The following KANK1 variants were observed in gnomAD, a reference collection of about 807,000 sequenced individuals.
KANK1 encodes the protein KN motif and ankyrin repeat domain-containing protein 1.
In KANK1, 109 loss-of-function variants were observed where a neutral mutation model predicts 106.2. That is an observed-to-expected ratio of 1.03 (90% confidence interval 0.88 to 1.20). The LOEUF is 1.20. Ranked by LOEUF, KANK1 falls within the 50% of genes most tolerant of loss-of-function variation. KANK1 has a pLI of 0.00. For missense variants in KANK1, 2,399 were observed against 1,710.7 expected (o/e 1.40, Z -7.10); for synonymous variants, 873 against 652.2 (o/e 1.34, Z -5.16).
chr9:661,231 C>T (rs1186125731), intron 1 of KANK1, among the ~76,000 whole-genome samples: 2 of 151,998 alleles, frequency 1.3e-5, no homozygotes, highest in African/African-American at 2.4e-5. Flanking sequence ...CCCATTAGCT[C>T]GTCATTTACA....
chr9:652,404 T>TCCCAG (rs1841100567), intron 1 of KANK1, among the ~76,000 whole-genome samples: 1 of 152,114 alleles, frequency 6.6e-6, no homozygotes, highest in African/African-American at 2.4e-5. Flanking sequence ...GCACCTGTAA[T>TCCCAG]CCCAGCTACT....
intron 1 of KANK1, among the ~76,000 whole-genome samples, chr9:513,765 AGATACTTTGGGAGG>A (rs1210501455): frequency 2.0e-5 from 3 of 152,158 alleles, no homozygotes; most frequent in African/African-American, 7.2e-5. Context: ...GAACAAAAGT[AGATACTTTGGGAGG>A]CCGAGGCAGG....
intron 3 of KANK1, among the ~76,000 whole-genome samples, chr9:475,072 G>T (rs2058080751): frequency 6.6e-6 from 1 of 152,162 alleles, no homozygotes; most frequent in Admixed American, 6.5e-5. Flanking sequence ...GGGAAAGGCA[G>T]TCTCCAAATA....
intron 1 of KANK1, among the ~76,000 whole-genome samples, chr9:514,403 C>T (rs1420238009): frequency 6.7e-6 from 1 of 150,008 alleles, no homozygotes; most frequent in Non-Finnish European, 1.5e-5. Context: ...GCCAAATACT[C>T]CCTCATCTCC....
rs1034159935 is a variant in KANK1 at position 605,716 on chromosome 9, G to C, written c.-83-71174G>C. Among the ~76,000 whole-genome samples, 18 of 151,898 alleles carry C rather than the reference G, an allele frequency of 1.2e-4. 1 individual carries two copies. Among genetic ancestry groups the C allele is most frequent in the Admixed American group, 9.8e-4 (15 of 15,296 alleles). On this transcript the variant is annotated intron_variant, in intron 1 of 11. Transcript: ENST00000382297. ...AAAGAGAATAAGCATGATCAGGCTG[G>C]GGATGTTGAGGAGGGGAAAGAAGGG...
intron 1 of KANK1, among the ~76,000 whole-genome samples, chr9:573,975 C>T (rs1819876949): frequency 6.6e-6 from 1 of 152,224 alleles, no homozygotes; most frequent in Non-Finnish European, 1.5e-5. Context: ...TTGGAGGAGC[C>T]AACCAGGAGA....
chr9:630,288 G>A (rs754386885), intron 1 of KANK1, among the ~76,000 whole-genome samples: 2 of 151,958 alleles, frequency 1.3e-5, no homozygotes, highest in Non-Finnish European at 2.9e-5. Flanking sequence ...AGGCACGGTG[G>A]CTCACGCCTG....
At chr9:507,659 C>CGATTCTCGT (rs2058826514) in intron 1 of KANK1, among the ~76,000 whole-genome samples, 1 of 151,114 alleles carries the variant, frequency 6.6e-6, no homozygotes. Flanking sequence ...TGGGTTCAAG[C>CGATTCTCGT]GATTCTCGTG....
At chr9:642,908 G>A (rs1408016049) in intron 1 of KANK1, among the ~76,000 whole-genome samples, 1 of 150,274 alleles carries the variant, frequency 6.7e-6, no homozygotes, top group East Asian at 1.9e-4. Flanking sequence ...AATGGCAATG[G>A]TAAGTATGCT....
intron 1 of KANK1, among the ~76,000 whole-genome samples, chr9:508,996 A>G (rs1433217096): frequency 2.0e-5 from 3 of 152,132 alleles, no homozygotes; most frequent in Non-Finnish European, 2.9e-5. Context: ...GTGGTTGTAG[A>G]GTTTATACTT....
intron 1 of KANK1, among the ~76,000 whole-genome samples, chr9:530,537 G>T (rs1481978350): frequency 2.0e-5 from 3 of 152,026 alleles, no homozygotes; most frequent in Non-Finnish European, 4.4e-5. Flanking sequence ...CTTGACTTCT[G>T]TTGTGTTGCT....
Position 711,691 on chromosome 9 carries a change from A to AG in KANK1, c.928dup (p.Ala310GlyfsTer16). On this transcript the variant is annotated frameshift_variant, in exon 3 of 12. Coordinates refer to ENST00000382297, the MANE Select transcript of KANK1 (RefSeq NM_015158.5). LOFTEE classifies it high-confidence loss of function. ...GTTGGTCTCACAGCTGAAAAACCAA[A>AG]GGGCTGCATCCCAGATCAATGTCTG... 1 of 1,614,214 alleles carries AG rather than the reference A, an allele frequency of 6.2e-7. No homozygotes were observed. Among genetic ancestry groups the AG allele is most frequent in the Non-Finnish European group, 8.5e-7 (1 of 1,180,034 alleles).
At position 731,317 on chromosome 9, in the gene KANK1, TCCTG is replaced by T. The variant is rs777356385; in HGVS notation, c.3005+55_3005+58del. 16 of 1,106,244 alleles carry T rather than the reference TCCTG, an allele frequency of 1.4e-5. No individual in the cohort carries two copies. In the East Asian group the frequency reaches 3.5e-4, roughly 24 times the overall value. 68.5% of individuals were successfully genotyped at this position (1,106,244 alleles called of 1,614,324 possible). A position where few individuals can be genotyped will look rare whatever the true frequency, so the allele number is the denominator to read the frequency against. ...GCTAATGCTGTCAGTCTCCTTTACCTCCTGCCTAAGTCACATTTCAAGGCGCCTA... is the reference window on the plus strand; with the variant it reads ...GCTAATGCTGTCAGTCTCCTTTACCTCCTAAGTCACATTTCAAGGCGCCTA... On this transcript the variant is annotated intron_variant, in intron 5 of 11. Coordinates refer to ENST00000382297, the MANE Select transcript of KANK1 (RefSeq NM_015158.5).
intron 1 of KANK1, among the ~76,000 whole-genome samples, chr9:637,227 C>G (rs1837357890): frequency 1.3e-5 from 2 of 152,200 alleles, no homozygotes; most frequent in Admixed American, 6.5e-5. Context: ...TCAAACACTA[C>G]CAAGTAGTCT....
At chr9:508,116 T>C in intron 1 of KANK1, among the ~76,000 whole-genome samples, 1 of 128,880 alleles carries the variant, frequency 7.8e-6, no homozygotes, top group East Asian at 2.6e-4. Context: ...GACACCCTGC[T>C]CAGCCTTTTT....
intron 1 of KANK1, among the ~76,000 whole-genome samples, chr9:535,755 T>G (rs914052343): frequency 1.5e-4 from 23 of 152,186 alleles, no homozygotes; most frequent in African/African-American, 4.6e-4. Flanking sequence ...CCTTGACAGT[T>G]GAGATATTCT....
At chr9:472,251 C>T (rs2058035095) in intron 2 of KANK1, among the ~76,000 whole-genome samples, 1 of 152,228 alleles carries the variant, frequency 6.6e-6, no homozygotes, top group African/African-American at 2.4e-5. Flanking sequence ...CCATGACTGA[C>T]CAAGGAAGTC....
chr9:645,439 TAAAAAAA>T (rs376740141), intron 1 of KANK1, among the ~76,000 whole-genome samples: 1 of 70,252 alleles, frequency 1.4e-5, no homozygotes, highest in African/African-American at 6.4e-5. Flanking sequence ...GACTGTGTCT[TAAAAAAA>T]AAAAAAAAAA....
At chr9:516,644 A>G (rs1307400294) in intron 1 of KANK1, among the ~76,000 whole-genome samples, 1 of 151,582 alleles carries the variant, frequency 6.6e-6, no homozygotes, top group Admixed American at 6.6e-5. Context: ...TGCAGTGCAG[A>G]GACACTGGCT....
Sources: gnomAD v4.1 joint callset for allele counts (sites outside exome capture counted in the v4.1 genomes callset) on GRCh38, gnomAD v4.1.1 for gene constraint, MANE v1.5 for transcripts, NCBI Gene and HGNC (gene_info 2026-07-23, HGNC 2026-07-21) for gene names.